FRMD4A: variants seen among roughly 807,000 people sequenced by gnomAD.
FRMD4A encodes FERM domain containing 4A.
In FRMD4A, 29 loss-of-function variants were observed where a neutral mutation model predicts 129.1. The observed-to-expected ratio is 0.22, with a 90% CI of 0.17 to 0.31. The LOEUF (loss-of-function observed/expected upper bound fraction) is 0.31. Ranked by LOEUF, FRMD4A falls within the 10% of genes least tolerant of loss-of-function variation. The pLI is 1.00. For synonymous variants in FRMD4A, 634 were observed against 571.6 expected (o/e 1.11, Z -1.56); for missense variants, 1,272 against 1,375.8 (o/e 0.92, Z 1.19).
intron 2 of FRMD4A, among the ~76,000 whole-genome samples, chr10:14,276,068 G>A (rs776650093): frequency 1.3e-5 from 2 of 152,088 alleles, no homozygotes; most frequent in Non-Finnish European, 2.9e-5. Flanking sequence ...ATGACAGAAT[G>A]AATCAGGAGA....
At chr10:14,241,662 A>G (rs1310325) in intron 2 of FRMD4A, among the ~76,000 whole-genome samples, 124,670 of 132,678 alleles carry the variant, frequency 0.94, 58,780 homozygotes, top group East Asian at 1. Context: ...AGCATTGGAG[A>G]GGGATTTGTT....
At chr10:13,914,049 T>C (rs1231020283) in intron 2 of FRMD4A, among the ~76,000 whole-genome samples, 1 of 152,152 alleles carries the variant, frequency 6.6e-6, no homozygotes, top group East Asian at 1.9e-4. Flanking sequence ...AGGAAGCAGC[T>C]GAGGTCAAAG....
Position 13,884,194 on chromosome 10 carries a change from A to ACG in FRMD4A, c.46-25283_46-25282insCG, listed in dbSNP as rs2094587770. On this transcript the variant is annotated intron_variant, in intron 2 of 24. Coordinates refer to ENST00000357447, the MANE Select transcript of FRMD4A (RefSeq NM_018027.5). ...CACACACTCACACACACACACACAC[A>ACG]CTCACACACACACTCACACACACAC... Among the ~76,000 whole-genome samples the ACG allele has an allele frequency of 2.6e-4, 21 of 79,844 alleles. 1 individual carries two copies. In the South Asian group the frequency reaches 4.0e-3, roughly 15 times the overall value. The allele number at this position is 79,844 out of a possible 152,430, so 52.4% of individuals were successfully genotyped here. A position where few individuals can be genotyped will look rare whatever the true frequency, so the allele number is the denominator to read the frequency against.
At position 13,922,764 on chromosome 10, in the gene FRMD4A, T is replaced by A. The variant is rs563731142; in HGVS notation, c.46-63852A>T. 1.1e-4 allele frequency among the ~76,000 whole-genome samples: 17 copies of A among 151,932 alleles called. No individual in the cohort carries two copies. The South Asian group carries it at 3.5e-3, about 32-fold the overall frequency. ...ACCCACAAGTTCTGTGCTTTGTAAA[T>A]TTTTTTTTCTCTCTCTAGGACATAG... On this transcript the variant is annotated intron_variant, in intron 2 of 24. Coordinates refer to ENST00000357447, the MANE Select transcript of FRMD4A (RefSeq NM_018027.5).
chr10:14,108,388 A>G (rs543363784), intron 2 of FRMD4A, among the ~76,000 whole-genome samples: 1 of 152,372 alleles, frequency 6.6e-6, no homozygotes, highest in Non-Finnish European at 1.5e-5. Flanking sequence ...TGAAGGTTCT[A>G]GAAATCTCTT....
At chr10:13,977,960 G>A (rs956729516) in intron 2 of FRMD4A, among the ~76,000 whole-genome samples, 1 of 152,214 alleles carries the variant, frequency 6.6e-6, no homozygotes, top group African/African-American at 2.4e-5. Context: ...AAACACTTGT[G>A]TAAGCATTTT....
chr10:14,128,093 TTTCTTTC>T (rs756860356), intron 2 of FRMD4A, among the ~76,000 whole-genome samples: 3,780 of 94,454 alleles, frequency 0.04, 199 homozygotes, highest in Non-Finnish European at 0.05. Flanking sequence ...TCTTTCTTTC[TTTCTTTC>T]TTTCTTTTCT....
intron 2 of FRMD4A, among the ~76,000 whole-genome samples, chr10:13,988,668 C>CGATA (rs371726612): frequency 3.2e-4 from 49 of 151,896 alleles, no homozygotes; most frequent in Non-Finnish European, 5.4e-4. Flanking sequence ...ACCGATAGAT[C>CGATA]GATAGATAGA....
chr10:13,755,006 T>A (rs938072948), intron 8 of FRMD4A, among the ~76,000 whole-genome samples: 15 of 152,216 alleles, frequency 9.9e-5, no homozygotes, highest in African/African-American at 3.6e-4. Context: ...TAAAACCACT[T>A]CTGTAAGTGC....
At chr10:14,089,856 C>T (rs955898798) in intron 2 of FRMD4A, among the ~76,000 whole-genome samples, 3 of 152,218 alleles carry the variant, frequency 2.0e-5, no homozygotes, top group African/African-American at 7.2e-5. Context: ...CCTCTGTCCT[C>T]TTTATAAACC....
chr10:14,289,987 G>GA (rs939214066), intron 2 of FRMD4A, among the ~76,000 whole-genome samples: 3 of 151,480 alleles, frequency 2.0e-5, no homozygotes, highest in African/African-American at 7.3e-5. Context: ...AGGAAATTAA[G>GA]AAAAAAATCC....
At position 13,685,405 on chromosome 10, in the gene FRMD4A, TAGC is replaced by T; in HGVS notation, c.1117+8490_1117+8492del. On this transcript the variant is annotated intron_variant, in intron 15 of 24. Coordinates refer to ENST00000357447, the MANE Select transcript of FRMD4A (RefSeq NM_018027.5). ...TAACTGAACATTCATTTTAAAAAAT[TAGC>T]AGCATCCAGTAAAATACCCAGCTGA... 5 of 985,108 alleles carry T rather than the reference TAGC, an allele frequency of 5.1e-6. No individual in the cohort carries two copies. In the South Asian group the frequency reaches 2.4e-4, roughly 46 times the overall value. 61.0% of individuals were successfully genotyped at this position (985,108 alleles called of 1,614,324 possible). A position where few individuals can be genotyped will look rare whatever the true frequency, so the allele number is the denominator to read the frequency against.
chr10:14,130,969 T>G (rs144043080), intron 2 of FRMD4A, among the ~76,000 whole-genome samples: 2 of 152,240 alleles, frequency 1.3e-5, no homozygotes, highest in Non-Finnish European at 2.9e-5. Flanking sequence ...TGCACCATGG[T>G]GGAAACTTAG....
At chr10:13,934,285 C>A (rs1589323384) in intron 2 of FRMD4A, among the ~76,000 whole-genome samples, 1 of 152,304 alleles carries the variant, frequency 6.6e-6, no homozygotes, top group South Asian at 2.1e-4. Flanking sequence ...TGTAGACAAT[C>A]TAGATTCACA....
chr10:14,213,347 T>TTG (rs1842982693), intron 2 of FRMD4A, among the ~76,000 whole-genome samples: 1 of 152,202 alleles, frequency 6.6e-6, no homozygotes, highest in South Asian at 2.1e-4. Context: ...GACCAGGTAC[T>TTG]CTGGTAATTG....
At chr10:13,807,959 T>A (rs1050708561) in intron 4 of FRMD4A, among the ~76,000 whole-genome samples, 2 of 152,088 alleles carry the variant, frequency 1.3e-5, no homozygotes, top group African/African-American at 4.8e-5. Context: ...CCACCATGCC[T>A]GACTGATTTT....
intron 2 of FRMD4A, among the ~76,000 whole-genome samples, chr10:14,102,722 G>A (rs1837371553): frequency 1.3e-5 from 2 of 151,314 alleles, no homozygotes; most frequent in Non-Finnish European, 1.5e-5. Flanking sequence ...ACTCAAATTA[G>A]ATGGATTTGG....
intron 15 of FRMD4A, chr10:13,685,005 T>C: frequency 1.0e-6 from 1 of 983,998 alleles, no homozygotes; most frequent in Non-Finnish European, 1.2e-6. Context: ...AAAAAGATAT[T>C]TATTTCCTTG....
chr10:13,979,103 C>T (rs1265067693), intron 2 of FRMD4A, among the ~76,000 whole-genome samples: 1 of 152,172 alleles, frequency 6.6e-6, no homozygotes, highest in Non-Finnish European at 1.5e-5. Flanking sequence ...TCTTAATCTC[C>T]TGTTATTTGG....
Sources: gnomAD v4.1 joint callset for allele counts (sites outside exome capture counted in the v4.1 genomes callset) on GRCh38, gnomAD v4.1.1 for gene constraint, MANE v1.5 for transcripts, NCBI Gene and HGNC (gene_info 2026-07-23, HGNC 2026-07-21) for gene names.